Variants in DMD observed in about 807,000 individuals in gnomAD.
DMD encodes the protein mutant dystrophin.
In DMD, 63 loss-of-function variants were observed where a neutral mutation model predicts 330.1. The ratio of observed to expected loss-of-function variants is 0.19; its 90% confidence interval spans 0.16 to 0.24. The LOEUF (loss-of-function observed/expected upper bound fraction) is 0.24, where lower values mean the gene tolerates loss of function less well. Ranked by LOEUF, DMD falls within the 10% of genes least tolerant of loss-of-function variation. The pLI, the probability that DMD is intolerant of heterozygous loss-of-function variation, is 1.00. For synonymous variants in DMD, 1,223 were observed against 959.8 expected, an observed-to-expected ratio of 1.27 and a Z score of -5.07; for missense variants, 3,344 against 2,684.1, an observed-to-expected ratio of 1.25 and a Z score of -5.43.
In DMD at chrX:32,994,347, A is replaced by AAACC. The variant is rs1557193990; in HGVS notation, c.93+25791_93+25792insGGTT. 1.8e-3 allele frequency among the ~76,000 whole-genome samples: 202 copies of AAACC among 109,988 alleles called. 1 individual carries two copies. Among genetic ancestry groups the AAACC allele is most frequent in the African/African-American group, 6.3e-3 (189 of 29,970 alleles). On this transcript the variant is annotated intron_variant, in intron 2 of 78. Coordinates refer to ENST00000357033, the MANE Select transcript of DMD (RefSeq NM_004006.3). ...AGCCCCCAATTTAAAAAAAAAAAAAAAATAGATTGTTTAATCATTTGAACT... is the reference window on the plus strand; with the variant it reads ...AGCCCCCAATTTAAAAAAAAAAAAAAAACCAATAGATTGTTTAATCATTTGAACT...
At chrX:32,602,262 T>C (rs917880677) in intron 12 of DMD, among the ~76,000 whole-genome samples, 2 of 111,962 alleles carry the variant, frequency 1.8e-5, no homozygotes, top group Admixed American at 9.5e-5. Context: ...AATCACGAAA[T>C]GGTAGCCCTC....
chrX:31,274,913 T>C (rs1431879689), intron 62 of DMD, among the ~76,000 whole-genome samples: 1 of 111,155 alleles, frequency 9.0e-6, no homozygotes, highest in East Asian at 2.8e-4. Flanking sequence ...CCAGTTTTTT[T>C]TTAAGTGGGA....
At chrX:31,272,363 C>T (rs2051710911) in intron 62 of DMD, among the ~76,000 whole-genome samples, 1 of 111,946 alleles carries the variant, frequency 8.9e-6, no homozygotes, top group African/African-American at 3.2e-5. Context: ...TGACCCACAC[C>T]ACCTCCTGCT....
At chrX:32,039,654 C>G (rs766188724) in intron 44 of DMD, among the ~76,000 whole-genome samples, 1 of 111,956 alleles carries the variant, frequency 8.9e-6, no homozygotes, top group African/African-American at 3.2e-5. Flanking sequence ...TAGAACATCA[C>G]AACTCATATT....
chrX:31,234,770 A>T (rs780867479), intron 63 of DMD, among the ~76,000 whole-genome samples: 1 of 112,176 alleles, frequency 8.9e-6, no homozygotes, highest in South Asian at 3.7e-4. Context: ...GTAAAGTGGT[A>T]AAAACAGATT....
At chrX:32,581,731 G>A (rs1033206817) in intron 13 of DMD, among the ~76,000 whole-genome samples, 3 of 111,617 alleles carry the variant, frequency 2.7e-5, no homozygotes, top group African/African-American at 9.8e-5. Context: ...GCATAATCAG[G>A]TACTTAAACC....
intron 13 of DMD, among the ~76,000 whole-genome samples, chrX:32,578,236 G>C (rs190715606): frequency 8.9e-6 from 1 of 112,120 alleles, no homozygotes; most frequent in East Asian, 2.8e-4. Context: ...GTTTCTCTGA[G>C]TTTCTATTTA....
At chrX:32,382,607 T>A (rs1212303927) in intron 33 of DMD, among the ~76,000 whole-genome samples, 3 of 82,199 alleles carry the variant, frequency 3.6e-5, no homozygotes, top group African/African-American at 1.2e-4. Context: ...TTAAACAGAT[T>A]TTCCCTTCTA....
At chrX:31,346,042 A>C (rs2058061634) in intron 61 of DMD, among the ~76,000 whole-genome samples, 1 of 111,337 alleles carries the variant, frequency 9.0e-6, no homozygotes, top group Non-Finnish European at 1.9e-5. Flanking sequence ...TCTTTTTATT[A>C]ACCCGTGGAG....
intron 47 of DMD, among the ~76,000 whole-genome samples, chrX:31,898,420 G>C (rs1252367353): frequency 2.7e-5 from 3 of 110,326 alleles, no homozygotes; most frequent in African/African-American, 9.9e-5. Context: ...CCAAAACAGA[G>C]ATATAGATCA....
intron 51 of DMD, among the ~76,000 whole-genome samples, chrX:31,755,163 G>A (rs1167209866): frequency 3.6e-5 from 4 of 111,506 alleles, no homozygotes; most frequent in African/African-American, 1.3e-4. Context: ...AACACTAGAG[G>A]CCTTGCTAAT....
chrX:31,418,022 G>C (rs1264567431), intron 60 of DMD, among the ~76,000 whole-genome samples: 6 of 101,167 alleles, frequency 5.9e-5, no homozygotes, highest in Admixed American at 2.2e-4. Context: ...GCAGAGATCT[G>C]TAGAAAATTA....
intron 13 of DMD, among the ~76,000 whole-genome samples, chrX:32,580,372 A>T (rs1045770954): frequency 1.8e-5 from 2 of 112,116 alleles, no homozygotes; most frequent in African/African-American, 6.5e-5. Context: ...TCTGCTAATC[A>T]TTACATAAAG....
At chrX:32,999,577 G>GA (rs34877798) in intron 2 of DMD, among the ~76,000 whole-genome samples, 3,857 of 110,696 alleles carry the variant, frequency 0.035, 130 homozygotes, top group East Asian at 0.2. Flanking sequence ...AGGAGATTGA[G>GA]CCATCCTGGC....
At chrX:32,516,269 T>C (rs1298364688) in intron 18 of DMD, among the ~76,000 whole-genome samples, 1 of 111,903 alleles carries the variant, frequency 8.9e-6, no homozygotes, top group Non-Finnish European at 1.9e-5. Context: ...ATATACATTG[T>C]ATTTAGCCTG....
intron 60 of DMD, among the ~76,000 whole-genome samples, chrX:31,392,321 G>A (rs190412653): frequency 8.9e-6 from 1 of 112,912 alleles, no homozygotes; most frequent in East Asian, 2.8e-4. Context: ...GAATGAAACT[G>A]TTGAGCTAAT....
chrX:32,744,796 G>C (rs1209934473), intron 7 of DMD, among the ~76,000 whole-genome samples: 1 of 111,408 alleles, frequency 9.0e-6, no homozygotes, highest in Non-Finnish European at 1.9e-5. Context: ...CTTTTCATCT[G>C]GACTATTACC....
chrX:33,103,010 G>A (rs1167317293), intron 1 of DMD, among the ~76,000 whole-genome samples: 4 of 111,284 alleles, frequency 3.6e-5, no homozygotes, highest in Non-Finnish European at 7.5e-5. Context: ...GAAGACTACT[G>A]TGAAATTGTG....
intron 57 of DMD, among the ~76,000 whole-genome samples, chrX:31,486,961 A>T (rs1042260735): frequency 5.4e-5 from 6 of 112,041 alleles, no homozygotes; most frequent in Non-Finnish European, 1.1e-4. Context: ...AGCAATGCTC[A>T]GTTAACTTAA....
Sources: allele counts gnomAD v4.1 joint callset (sites outside exome capture counted in the v4.1 genomes callset), GRCh38; gene constraint gnomAD v4.1.1; transcripts MANE v1.5; gene names NCBI Gene and HGNC (gene_info 2026-07-23, HGNC 2026-07-21).